NSUN5: variants seen among roughly 807,000 people sequenced by gnomAD.
NSUN5 encodes the protein 28S rRNA (cytosine-C(5))-methyltransferase.
NSUN5 carries 39 observed loss-of-function variants against 51.1 expected under a neutral mutation model. The ratio of observed to expected loss-of-function variants is 0.76; its 90% CI spans 0.59 to 1.00. The LOEUF (loss-of-function observed/expected upper bound fraction) is 1.00, where lower values mean the gene tolerates loss of function less well. Among genes scored for constraint, NSUN5 ranks in the 50% least tolerant of loss-of-function variants. NSUN5 has a pLI of 0.00. For missense variants in NSUN5, 526 were observed against 614.0 expected (o/e 0.86, Z 1.51); for synonymous variants, 266 against 271.5 (o/e 0.98, Z 0.20).
Position 73,307,603 on chromosome 7 carries a change from A to C in NSUN5, c.371T>G (p.Val124Gly), listed in dbSNP as rs1804095039. The C allele has an allele frequency of 1.5e-6, 2 of 1,356,632 alleles. No individual in the cohort carries two copies. Among genetic ancestry groups the C allele is most frequent in the African/African-American group, 1.9e-5 (1 of 53,400 alleles). The allele number at this position is 1,356,632 out of a possible 1,614,324, so 84.0% of individuals were successfully genotyped here. A position where few individuals can be genotyped will look rare whatever the true frequency, so the allele number is the denominator to read the frequency against. Residue 124 changes from valine to glycine, a missense_variant, in exon 3 of 10, where the codon GTG becomes GGG. Physicochemically the swap from Val to Gly is moderately radical, Grantham distance 109. Transcript: ENST00000438747. Reference sequence around the variant, plus strand: ...CTTACCTGGACCAGGCCTGGATCCCACTTCCAACAGGTCCTCATTCCGGCT... The same window carrying C: ...CTTACCTGGACCAGGCCTGGATCCCCCTTCCAACAGGTCCTCATTCCGGCT... The part of the protein sequence containing the change: ...GVSRNEDLLE[V>G]GSRPGPASQL...
chr7:73,304,118 G>A (rs1803932875), intron 7 of NSUN5, 82 bp from the exon 8 acceptor site: 1 of 1,567,896 alleles, frequency 6.4e-7, no homozygotes, highest in East Asian at 2.3e-5. Context: ...GAGAACTTTT[G>A]TCCCAGGGTC....
Position 73,308,089 on chromosome 7 carries a change from A to T in NSUN5, c.217-332T>A, listed in dbSNP as rs1384314066. 9 of 456,214 alleles carry T rather than the reference A, an allele frequency of 2.0e-5. No individual in the cohort carries two copies. The East Asian group carries it at 3.3e-4, about 17-fold the overall frequency. 28.3% of individuals were successfully genotyped at this position (456,214 alleles called of 1,614,324 possible). On this transcript the variant is annotated intron_variant, in intron 2 of 9. Coordinates refer to ENST00000438747, the MANE Select transcript of NSUN5 (RefSeq NM_148956.4). ...AGCTCTGTCGCCCAGGCTGAAGTGCAGTGGCCAGATCATAGCTCACTGCAG... is the reference window on the plus strand; with the variant it reads ...AGCTCTGTCGCCCAGGCTGAAGTGCTGTGGCCAGATCATAGCTCACTGCAG...
chr7:73,304,549 C>T, intron 6 of NSUN5, 141 bp from the exon 7 acceptor site: 1 of 926,944 alleles, frequency 1.1e-6, no homozygotes. Flanking sequence ...AGGTAACTGG[C>T]CTGGGGTCTC....
intron 4 of NSUN5, among the ~76,000 whole-genome samples, chr7:73,305,806 A>G (rs1275004425): frequency 2.5e-4 from 38 of 152,326 alleles, no homozygotes; most frequent in African/African-American, 9.1e-4. Flanking sequence ...TCAAAGTGGC[A>G]GAGCTGGAAT....
chr7:73,305,205 A>C (rs1803991335), intron 4 of NSUN5, 108 bp from the exon 5 acceptor site: 1 of 1,428,344 alleles, frequency 7.0e-7, no homozygotes, highest in Non-Finnish European at 9.5e-7. Flanking sequence ...AGAAATCAAC[A>C]GGGTGATAAG....
chr7:73,302,814 G>A lies in NSUN5; in HGVS notation c.*601C>T, dbSNP rs1237320251. Reference sequence around the variant, plus strand: ...TGACTGAGGGTGAGTGAGTGGTGGTGGGGCTGCTCCTTCCCACCCCTCAGA... The same window carrying A: ...TGACTGAGGGTGAGTGAGTGGTGGTAGGGCTGCTCCTTCCCACCCCTCAGA... On this transcript the variant is annotated 3_prime_UTR_variant, in exon 10 of 10. Transcript: ENST00000438747. 1.9e-5 allele frequency: 19 copies of A among 991,536 alleles called. No individual in the cohort carries two copies. The highest frequency in any genetic ancestry group is 9.1e-5 in the South Asian group (2 of 21,954). 61.4% of individuals were successfully genotyped at this position (991,536 alleles called of 1,614,324 possible). A position where few individuals can be genotyped will look rare whatever the true frequency, so the allele number is the denominator to read the frequency against.
chr7:73,307,189 C>G (rs562051272), intron 4 of NSUN5, among the ~76,000 whole-genome samples: 1 of 152,176 alleles, frequency 6.6e-6, no homozygotes, highest in South Asian at 2.1e-4. Context: ...AGAGAAAAAA[C>G]GGAGAGATCA....
At chr7:73,306,385 CAAAAAAAAA>C (rs36038371) in intron 4 of NSUN5, among the ~76,000 whole-genome samples, 1 of 26,044 alleles carries the variant, frequency 3.8e-5, no homozygotes, top group Non-Finnish European at 5.8e-5. Context: ...ACCCTTGTCT[CAAAAAAAAA>C]AAAAAAAAAA....
At chr7:73,308,152 G>T in intron 2 of NSUN5, 1 of 470,776 alleles carries the variant, frequency 2.1e-6, no homozygotes, top group South Asian at 3.8e-5. Context: ...TCCTCCCTCA[G>T]CCTCCCGAGT....
rs540789199 is a variant in NSUN5 at position 73,303,311 on chromosome 7, C to G, written c.*104G>C. 9.9e-6 allele frequency: 16 copies of G among 1,613,936 alleles called. No homozygotes were observed. In the African/African-American group the frequency reaches 2.0e-4, roughly 20 times the overall value. ...CAGCCCAAGGAAGGGACCCAATAAC[C>G]TTTCAAAACCCAAACTGCTTCCTGC... On this transcript the variant is annotated 3_prime_UTR_variant, in exon 10 of 10. Coordinates refer to ENST00000438747, the MANE Select transcript of NSUN5 (RefSeq NM_148956.4).
intron 1 of NSUN5, 29 bp from the exon 2 acceptor site, chr7:73,308,582 G>C: frequency 6.3e-7 from 1 of 1,592,432 alleles, no homozygotes; most frequent in Non-Finnish European, 8.6e-7. Flanking sequence ...CAAGCTGGGT[G>C]GGGGCTCCCC....
chr7:73,304,703 C>T, intron 6 of NSUN5, 44 bp downstream of exon 6: 1 of 1,483,328 alleles, frequency 6.7e-7, no homozygotes. Context: ...CTGAAAGGCA[C>T]AGAATCAAAC....
chr7:73,304,167 G>A, intron 7 of NSUN5, 63 bp downstream of exon 7: 1 of 1,557,394 alleles, frequency 6.4e-7, no homozygotes, highest in Non-Finnish European at 8.7e-7. Flanking sequence ...CAAAACAAAT[G>A]ACTCCAGGTC....
chr7:73,303,045 C>T lies in NSUN5; in HGVS notation c.*370G>A, dbSNP rs1319307684. 1.6e-5 allele frequency: 21 copies of T among 1,325,004 alleles called. No individual in the cohort carries two copies. The highest frequency in any genetic ancestry group is 3.2e-5 in the Admixed American group (1 of 30,804). 82.1% of individuals were successfully genotyped at this position (1,325,004 alleles called of 1,614,324 possible). A position where few individuals can be genotyped will look rare whatever the true frequency, so the allele number is the denominator to read the frequency against. On this transcript the variant is annotated 3_prime_UTR_variant, in exon 10 of 10. Coordinates refer to ENST00000438747, the MANE Select transcript of NSUN5 (RefSeq NM_148956.4). ...AGTTCCGCAGGCAGGACAGCCGGTC[C>T]GGGAACCCTGAGTGAGTGTGAGTGT...
rs1803919116 is a variant in NSUN5, at chr7:73,303,927, G to A, written c.1044C>T (p.Phe348=). ...QQRALCHALT[F]PSLQRLVYST... ...AGTAGACGAGCCGCTGCAGGGAAGG[G>A]AAAGTGAGTGCGTGGCACAGGGCTC... Residue 348 remains phenylalanine, a synonymous_variant, in exon 8 of 10, where the codon TTC becomes TTT. Coordinates refer to ENST00000438747, the MANE Select transcript of NSUN5 (RefSeq NM_148956.4). The A allele has an allele frequency of 1.9e-6, 3 of 1,614,008 alleles. No individual in the cohort carries two copies. The highest frequency in any genetic ancestry group is 2.5e-6 in the Non-Finnish European group (3 of 1,179,984).
chr7:73,307,891 C>T, intron 2 of NSUN5, 134 bp from the exon 3 acceptor site: 1 of 802,768 alleles, frequency 1.2e-6, no homozygotes, highest in South Asian at 1.9e-5. Flanking sequence ...GGTGGGATAC[C>T]TTATCCAAGA....
At position 73,303,495 on chromosome 7, in the gene NSUN5, G is replaced by C. The variant is rs150756272; in HGVS notation, c.1321C>G (p.Arg441Gly). 3.1e-6 allele frequency: 5 copies of C among 1,614,216 alleles called. No individual in the cohort carries two copies. Among genetic ancestry groups the C allele is most frequent in the South Asian group, 1.1e-5 (1 of 91,086 alleles). Residue 441 changes from arginine to glycine, a missense_variant, in exon 10 of 10, where the codon CGC becomes GGC. Physicochemically the swap from Arg to Gly is moderately radical, Grantham distance 125. Transcript: ENST00000438747. ...CTCTTTGGGGCTGGGCTGGGTGTGCGTTCTGGTGCTGATGCTTTGGCCTGT... is the reference window on the plus strand; with the variant it reads ...CTCTTTGGGGCTGGGCTGGGTGTGCCTTCTGGTGCTGATGCTTTGGCCTGT... ...ASQAKASAPERTPSPAPKRKK... is the reference protein window; with the variant it reads ...ASQAKASAPEGTPSPAPKRKK...
Position 73,303,379 on chromosome 7 carries a change from C to T in NSUN5, c.*36G>A, listed in dbSNP as rs1554540988. 6.2e-7 allele frequency: 1 copy of T among 1,614,044 alleles called. No homozygotes were observed. The highest frequency in any genetic ancestry group is 2.2e-5 in the East Asian group (1 of 44,878). On this transcript the variant is annotated 3_prime_UTR_variant, in exon 10 of 10. Transcript: ENST00000438747. ...CTCCACGGAGAGGACAGGCATCTTC[C>T]TTTCCCACCAGGAAGGAGTCAGCCC... is the stretch of plus-strand genomic sequence containing the variant.
chr7:73,305,899 A>ATTGT (rs1554541763), intron 4 of NSUN5, among the ~76,000 whole-genome samples: 2 of 152,156 alleles, frequency 1.3e-5, no homozygotes, highest in Non-Finnish European at 2.9e-5. Flanking sequence ...GATCTTACAA[A>ATTGT]GAGTAGGAGA....
Sources: gnomAD v4.1 joint callset for allele counts (sites outside exome capture counted in the v4.1 genomes callset) on GRCh38, gnomAD v4.1.1 for gene constraint, MANE v1.5 for transcripts, NCBI Gene and HGNC (gene_info 2026-07-23, HGNC 2026-07-21) for gene names.